Variants in BBOX1 observed in about 807,000 individuals in gnomAD.
BBOX1 encodes the protein gamma-butyrobetaine hydroxylase 1.
Under a neutral mutation model 41.6 loss-of-function variants are expected in BBOX1, and 35 were observed. The observed-to-expected ratio is 0.84, with a 90% CI of 0.64 to 1.11. BBOX1 has a LOEUF of 1.11. BBOX1 is among the 50% of genes most tolerant of loss of function. The probability of loss-of-function intolerance (pLI) is 0.00; values close to 1 mark genes in which losing one functional copy is unlikely to be tolerated. For synonymous variants in BBOX1, 163 were observed against 154.7 expected (o/e 1.05, Z -0.40); for missense variants, 458 against 460.6 (o/e 0.99, Z 0.05).
At chr11:27,052,048 A>T (rs1390574145) in intron 2 of BBOX1, among the ~76,000 whole-genome samples, 1 of 151,874 alleles carries the variant, frequency 6.6e-6, no homozygotes, top group African/African-American at 2.4e-5. Flanking sequence ...TTGACCCATT[A>T]GTTGTTCAGG....
chr11:27,080,434 G>A (rs1161377345), intron 4 of BBOX1, among the ~76,000 whole-genome samples: 2 of 151,934 alleles, frequency 1.3e-5, no homozygotes, highest in African/African-American at 2.4e-5. Flanking sequence ...GTCATTATTG[G>A]GCACTTTCCA....
intron 4 of BBOX1, among the ~76,000 whole-genome samples, chr11:27,063,441 G>C (rs568999222): frequency 6.6e-6 from 1 of 152,042 alleles, no homozygotes; most frequent in East Asian, 1.9e-4. Flanking sequence ...CTAAATATTT[G>C]TTCTTTTTAT....
At chr11:27,123,841 A>G (rs1450441491) in intron 7 of BBOX1, among the ~76,000 whole-genome samples, 3 of 152,196 alleles carry the variant, frequency 2.0e-5, no homozygotes, top group Non-Finnish European at 4.4e-5. Flanking sequence ...AGGGTACTCC[A>G]TTACCTAGTG....
chr11:27,113,333 A>G (rs1392015716), intron 5 of BBOX1, among the ~76,000 whole-genome samples: 8 of 151,964 alleles, frequency 5.3e-5, no homozygotes, highest in South Asian at 2.1e-4. Context: ...TTGTTCTACT[A>G]TAAAGAACAT....
intron 4 of BBOX1, among the ~76,000 whole-genome samples, chr11:27,086,882 T>G (rs939567708): frequency 6.6e-6 from 1 of 152,084 alleles, no homozygotes; most frequent in African/African-American, 2.4e-5. Flanking sequence ...ATTTCAGCCC[T>G]CATGGATGGC....
intron 5 of BBOX1, among the ~76,000 whole-genome samples, chr11:27,097,409 C>T (rs1360389920): frequency 6.6e-6 from 1 of 151,928 alleles, no homozygotes; most frequent in Non-Finnish European, 1.5e-5. Context: ...AGAATGTATC[C>T]TACGAAGTAA....
At chr11:27,103,337 A>C (rs1734924281) in intron 5 of BBOX1, among the ~76,000 whole-genome samples, 1 of 151,930 alleles carries the variant, frequency 6.6e-6, no homozygotes, top group Non-Finnish European at 1.5e-5. Context: ...ACAGCTTTAA[A>C]TTTTTTTCAG....
intron 4 of BBOX1, among the ~76,000 whole-genome samples, chr11:27,071,204 C>A (rs1857435806): frequency 1.3e-5 from 2 of 151,900 alleles, no homozygotes; most frequent in South Asian, 2.1e-4. Context: ...GAAACCCCAT[C>A]TCTACTAAAA....
At chr11:27,080,171 TA>T (rs1857788111) in intron 4 of BBOX1, among the ~76,000 whole-genome samples, 1 of 152,088 alleles carries the variant, frequency 6.6e-6, no homozygotes, top group Admixed American at 6.6e-5. Context: ...ACACAAAAAT[TA>T]GGCTGATAGA....
intron 2 of BBOX1, among the ~76,000 whole-genome samples, chr11:27,054,729 C>CA (rs1173067498): frequency 2.6e-5 from 4 of 152,028 alleles, no homozygotes; most frequent in African/African-American, 4.8e-5. Context: ...TGCATTAAAA[C>CA]AAAAAATCTC....
chr11:27,084,961 G>A (rs546709396), intron 4 of BBOX1, among the ~76,000 whole-genome samples: 12 of 152,112 alleles, frequency 7.9e-5, no homozygotes, highest in Middle Eastern at 6.8e-3. Flanking sequence ...ATCATTTTTC[G>A]TAATGTTTAT....
chr11:27,048,469 GTGT>G lies in BBOX1; in HGVS notation c.-38-6923_-38-6921del, dbSNP rs1851560911. On this transcript the variant is annotated intron_variant, in intron 2 of 8. Transcript: ENST00000263182. The stretch of plus-strand genomic sequence containing the variant: ...TTTTAAGGTTGAATAATATTGAGGT[GTGT>G]GTGTGTGTGTGTGTGTGTGTAGACA... Among the ~76,000 whole-genome samples, 5 of 31,678 alleles carry G rather than the reference GTGT, an allele frequency of 1.6e-4. No homozygotes were observed. The East Asian group carries it at 1.9e-3, about 12-fold the overall frequency. 20.8% of individuals were successfully genotyped at this position (31,678 alleles called of 152,430 possible).
chr11:27,085,472 T>C (rs1327098701), intron 4 of BBOX1, among the ~76,000 whole-genome samples: 2 of 151,942 alleles, frequency 1.3e-5, no homozygotes, highest in Non-Finnish European at 2.9e-5. Context: ...TTTTCTGGGG[T>C]ACCATAACCA....
intron 4 of BBOX1, among the ~76,000 whole-genome samples, chr11:27,080,061 T>C (rs749911275): frequency 9.9e-5 from 15 of 152,146 alleles, no homozygotes; most frequent in Non-Finnish European, 2.1e-4. Flanking sequence ...TTTAAAATCA[T>C]TTTCCATATG....
In BBOX1 at chr11:27,103,257, C is replaced by T. The variant is rs111961311; in HGVS notation, c.533+9891C>T. Among the ~76,000 whole-genome samples the T allele has an allele frequency of 4.9e-4, 74 of 152,234 alleles. 2 individuals are homozygous for T. Among genetic ancestry groups the T allele is most frequent in the African/African-American group, 1.8e-3 (73 of 41,558 alleles). On this transcript the variant is annotated intron_variant, in intron 5 of 8. Transcript: ENST00000263182. ...GTTGTTGTTTAAAGTCTAGTAATTTCATAGACTATGTCTTGATATTGATTG... is the reference window on the plus strand; with the variant it reads ...GTTGTTGTTTAAAGTCTAGTAATTTTATAGACTATGTCTTGATATTGATTG...
At chr11:27,126,013 C>A (rs1190587438) in intron 8 of BBOX1, among the ~76,000 whole-genome samples, 193 bp downstream of exon 8, 1 of 152,106 alleles carries the variant, frequency 6.6e-6, no homozygotes, top group Non-Finnish European at 1.5e-5. Context: ...ATTATTTTAT[C>A]CTGATAAACA....
chr11:27,070,353 G>A (rs1857404807), intron 4 of BBOX1, among the ~76,000 whole-genome samples: 1 of 151,928 alleles, frequency 6.6e-6, no homozygotes, highest in Admixed American at 6.6e-5. Flanking sequence ...GCTGTCAGTG[G>A]GGTATCGAAG....
intron 5 of BBOX1, among the ~76,000 whole-genome samples, chr11:27,110,450 C>T (rs1859018332): frequency 6.6e-6 from 1 of 151,954 alleles, no homozygotes; most frequent in African/African-American, 2.4e-5. Flanking sequence ...ACTCTTGATC[C>T]CCTGGTGGCT....
intron 2 of BBOX1, among the ~76,000 whole-genome samples, chr11:27,042,912 T>C (rs926517448): frequency 1.7e-4 from 26 of 152,114 alleles, no homozygotes; most frequent in African/African-American, 6.3e-4. Flanking sequence ...TATTTAAAGG[T>C]TAAAATATAA....
Sources: allele counts gnomAD v4.1 joint callset (sites outside exome capture counted in the v4.1 genomes callset), GRCh38; gene constraint gnomAD v4.1.1; transcripts MANE v1.5; gene names NCBI Gene and HGNC (gene_info 2026-07-23, HGNC 2026-07-21).